GRK6: variants seen among roughly 807,000 people sequenced by gnomAD.
GRK6 encodes G protein-coupled receptor kinase 6.
In GRK6, 37 loss-of-function variants were observed where a neutral mutation model predicts 80.8. The observed-to-expected ratio is 0.46, with a 90% CI of 0.35 to 0.60. The LOEUF is 0.60. Ranked by LOEUF, GRK6 falls within the 20% of genes least tolerant of loss-of-function variation. The probability of loss-of-function intolerance (pLI) is 0.00; values close to 1 mark genes in which losing one functional copy is unlikely to be tolerated. For missense variants in GRK6, 560 were observed against 784.6 expected (o/e 0.71, Z 3.42); for synonymous variants, 295 against 320.9 (o/e 0.92, Z 0.86).
At position 177,434,725 on chromosome 5, in the gene GRK6, T is replaced by C. The variant is rs554041341; in HGVS notation, c.930-177T>C. 2.6e-5 allele frequency among the ~76,000 whole-genome samples: 4 copies of C among 152,308 alleles called. No homozygotes were observed. In the South Asian group the frequency reaches 6.2e-4, roughly 24 times the overall value. On this transcript the variant is annotated intron_variant, in intron 9 of 15. Coordinates refer to ENST00000355472, the MANE Select transcript of GRK6 (RefSeq NM_001004106.3). ...TCCTGGCTCTAGATCCTTCCTCTGC[T>C]CCCTTGAGTCCGGGCTGTTGCCAGG...
In GRK6 at chr5:177,434,063, C is replaced by T. The variant is rs1326050389; in HGVS notation, c.888C>T (p.Cys296=). Residue 296 remains cysteine, a synonymous_variant, in exon 9 of 16, where the codon TGC becomes TGT. Coordinates refer to ENST00000355472, the MANE Select transcript of GRK6 (RefSeq NM_001004106.3). ...CCGTCTTCTACGCCGCCGAGATCTG[C>T]TGTGGCCTGGAGGACCTGCACCGGG... ...ARAVFYAAEI[C]CGLEDLHRER... 6.2e-6 allele frequency: 10 copies of T among 1,605,972 alleles called. No individual in the cohort carries two copies. The African/African-American group carries it at 1.2e-4, about 19-fold the overall frequency.
Position 177,434,080 on chromosome 5 carries a change from T to G in GRK6, c.905T>G (p.Leu302Arg). The change falls in exon 9 of 16, where the codon CTG (leucine) becomes CGG (arginine). Residue 302 changes from leucine (L) to arginine (R), a missense_variant. Leu to Arg is a moderately radical substitution (Grantham distance 102). Transcript: ENST00000355472. ...AAEICCGLED[L>R]HRERIVYRDL... is the part of the protein sequence containing the mutation. ...GAGATCTGCTGTGGCCTGGAGGACCTGCACCGGGAGCGCATCGTGTACAGG... is the reference window on the plus strand; with the variant it reads ...GAGATCTGCTGTGGCCTGGAGGACCGGCACCGGGAGCGCATCGTGTACAGG... The G allele has an allele frequency of 6.3e-7, 1 of 1,597,416 alleles. No individual in the cohort carries two copies.
upstream of GRK6, among the ~76,000 whole-genome samples, chr5:177,426,088 C>T (rs886361655): frequency 6.6e-6 from 1 of 152,188 alleles, no homozygotes; most frequent in Non-Finnish European, 1.5e-5. Context: ...GCTGCGAGGC[C>T]GCAGCCTCCT....
intron 15 of GRK6, chr5:177,441,258 G>A: frequency 6.4e-7 from 1 of 1,564,800 alleles, no homozygotes; most frequent in African/African-American, 1.4e-5. Flanking sequence ...TGAGCAGTGT[G>A]GGCTCCCCGT....
chr5:177,427,315 G>A (rs1763713759), intron 1 of GRK6, among the ~76,000 whole-genome samples: 1 of 152,216 alleles, frequency 6.6e-6, no homozygotes, highest in Non-Finnish European at 1.5e-5. Context: ...GCTGGAGAAT[G>A]AATAAACGGA....
intron 1 of GRK6, among the ~76,000 whole-genome samples, chr5:177,430,198 G>A (rs1424442238): frequency 6.6e-6 from 1 of 152,210 alleles, no homozygotes; most frequent in African/African-American, 2.4e-5. Context: ...GGCCTTCGCT[G>A]TTCCTGGTCA....
In GRK6 at chr5:177,432,020, G is replaced by A; in HGVS notation, c.174G>A (p.Glu58=). ...SLERDYHSLC[E]RQPIGRLLFR... is the part of the protein sequence containing the mutation. Reference sequence around the variant, plus strand: ...AGCGTGACTATCACAGCCTGTGCGAGCGGCAGCCCATTGGGCGCCTGCTGT... The same window carrying A: ...AGCGTGACTATCACAGCCTGTGCGAACGGCAGCCCATTGGGCGCCTGCTGT... Residue 58 remains glutamate (E), a synonymous_variant, in exon 3 of 16, where the codon GAG becomes GAA. Coordinates refer to ENST00000355472, the MANE Select transcript of GRK6 (RefSeq NM_001004106.3). The A allele has an allele frequency of 6.2e-7, 1 of 1,613,370 alleles. No individual in the cohort carries two copies.
chr5:177,435,173 C>A, intron 11 of GRK6, 52 bp downstream of exon 11: 1 of 1,349,622 alleles, frequency 7.4e-7, no homozygotes, highest in Non-Finnish European at 1.0e-6. Context: ...TCACTATCCA[C>A]CCACCCAGCC....
chr5:177,441,691 C>G, intron 15 of GRK6, 46 bp from the exon 16 acceptor site: 3 of 1,493,396 alleles, frequency 2.0e-6, no homozygotes, highest in Non-Finnish European at 1.9e-6. Flanking sequence ...TTAATGGCAC[C>G]TGCTCTGCCT....
intron 1 of GRK6, among the ~76,000 whole-genome samples, chr5:177,430,137 C>G (rs1262886740): frequency 1.3e-5 from 2 of 152,142 alleles, no homozygotes; most frequent in African/African-American, 4.8e-5. Flanking sequence ...ACCCTCCTAG[C>G]AGCAATCAAG....
intron 7 of GRK6, 23 bp from the exon 8 acceptor site, chr5:177,433,513 C>T (rs377379216): frequency 2.6e-5 from 42 of 1,613,498 alleles, no homozygotes; most frequent in African/African-American, 8.0e-5. Context: ...GGCCCCCATT[C>T]GCCCCTGTCT....
At chr5:177,426,393 T>A (rs966975342), upstream of GRK6, 2 of 152,254 alleles carry the variant, frequency 1.3e-5, no homozygotes, top group African/African-American at 4.8e-5. Context: ...TTGTCCCGGC[T>A]GAGGGCTCGG....
chr5:177,434,958 G>A lies in GRK6; in HGVS notation c.967+19G>A, dbSNP rs749635086. 3 of 1,612,900 alleles carry A rather than the reference G, an allele frequency of 1.9e-6. No homozygotes were observed. Among genetic ancestry groups the A allele is most frequent in the African/African-American group, 1.3e-5 (1 of 74,890 alleles). ...GACCACGGTGTGTAAGGGTGCCTGG[G>A]GTGGGTCAGGGTGGGGTGAGATGCA... On this transcript the variant is annotated intron_variant, in intron 10 of 15. Coordinates refer to ENST00000355472, the MANE Select transcript of GRK6 (RefSeq NM_001004106.3).
At chr5:177,437,802 C>T (rs1223452522) in intron 13 of GRK6, among the ~76,000 whole-genome samples, 1 of 152,240 alleles carries the variant, frequency 6.6e-6, no homozygotes, top group Non-Finnish European at 1.5e-5. Flanking sequence ...GTGCTTTCCC[C>T]TTCCCATGTC....
intron 1 of GRK6, chr5:177,430,570 C>A (rs1763845929): frequency 2.5e-6 from 1 of 392,722 alleles, no homozygotes. Context: ...ACCGGGGGAA[C>A]TCCTACCTGG....
intron 13 of GRK6, chr5:177,440,136 T>A (rs1764391992): frequency 6.5e-6 from 1 of 153,494 alleles, no homozygotes; most frequent in South Asian, 2.0e-4. Flanking sequence ...ACAATGATTT[T>A]AATTGACATC....
chr5:177,436,099 T>G lies in GRK6; in HGVS notation c.1084T>G (p.Tyr362Asp). 6.2e-7 allele frequency: 1 copy of G among 1,613,976 alleles called. No homozygotes were observed. The highest frequency in any genetic ancestry group is 8.5e-7 in the Non-Finnish European group (1 of 1,179,970). ...MAPEVVKNER[Y>D]TFSPDWWALG... Reference sequence around the variant, plus strand: ...TCCGGAGGTGGTGAAGAATGAACGGTACACGTTCAGCCCTGACTGGTGGGC... The same window carrying G: ...TCCGGAGGTGGTGAAGAATGAACGGGACACGTTCAGCCCTGACTGGTGGGC... Residue 362 changes from tyrosine to aspartate, a missense_variant, in exon 12 of 16, where the codon TAC (tyrosine) becomes GAC (aspartate). Coordinates refer to ENST00000355472, the MANE Select transcript of GRK6 (RefSeq NM_001004106.3).
Position 177,429,755 on chromosome 5 carries a change from G to A in GRK6, c.53-1117G>A, listed in dbSNP as rs1452627015. ...AACTGAGGCCCAGCATGAGAAAGTG[G>A]TTGTCTAAGGTTGCCATGGCGTTGT... On this transcript the variant is annotated intron_variant, in intron 1 of 15. Transcript: ENST00000355472. This position sits in a 1 kb window ranked among gnomAD's most constrained non-coding sequence, Gnocchi z 4.3. Among the ~76,000 whole-genome samples, 1 of 152,212 alleles carries A rather than the reference G, an allele frequency of 6.6e-6. No individual in the cohort carries two copies. Among genetic ancestry groups the A allele is most frequent in the African/African-American group, 2.4e-5 (1 of 41,452 alleles).
chr5:177,431,338 G>C (rs1047521202), intron 2 of GRK6, among the ~76,000 whole-genome samples: 1 of 152,192 alleles, frequency 6.6e-6, no homozygotes, highest in African/African-American at 2.4e-5. Flanking sequence ...CTGGGGCGTA[G>C]CCTCCCAGGC....
Sources: gnomAD v4.1 joint callset for allele counts (sites outside exome capture counted in the v4.1 genomes callset) on GRCh38, gnomAD v4.1.1 for gene constraint, Gnocchi (gnomAD v3.1) non-coding constraint, MANE v1.5 for transcripts, NCBI Gene and HGNC (gene_info 2026-07-23, HGNC 2026-07-21) for gene names.